PCDH15: variants seen among roughly 807,000 people sequenced by gnomAD.
PCDH15 encodes protocadherin-15.
A neutral mutation model predicts 178.5 loss-of-function variants in PCDH15; 129 were observed. That is an observed-to-expected ratio of 0.72 (90% CI 0.63 to 0.84). The LOEUF is 0.84. Among genes scored for constraint, PCDH15 ranks in the 40% least tolerant of loss-of-function variants. The pLI, the probability that PCDH15 is intolerant of heterozygous loss-of-function variation, is 0.00. For missense variants in PCDH15, 2,230 were observed against 2,099.9 expected (o/e 1.06, Z -1.21); for synonymous variants, 800 against 732.0 (o/e 1.09, Z -1.50).
chr10:55,249,024 TA>T (rs1282179530), intron 1 of PCDH15, among the ~76,000 whole-genome samples: 2 of 152,214 alleles, frequency 1.3e-5, no homozygotes, highest in Non-Finnish European at 2.9e-5. Flanking sequence ...GGGCATGTCA[TA>T]CCTTGTGATA....
intron 2 of PCDH15, among the ~76,000 whole-genome samples, chr10:55,500,427 C>T (rs1840630820): frequency 6.6e-6 from 1 of 151,730 alleles, no homozygotes; most frequent in Admixed American, 6.6e-5. Flanking sequence ...TGTCAGAATA[C>T]AAGAAAGTTT....
At chr10:54,425,033 A>T (rs2135909319) in intron 3 of PCDH15, among the ~76,000 whole-genome samples, 1 of 151,824 alleles carries the variant, frequency 6.6e-6, no homozygotes, top group East Asian at 1.9e-4. Flanking sequence ...AAGAAAAGAA[A>T]ATGTGCTTTT....
At position 54,486,912 on chromosome 10, in the gene PCDH15, C is replaced by T. The variant is rs1409908226; in HGVS notation, c.157+40900G>A. ...TAGACCATGAGATTAAGGATTAGACCGTGGCCATGGAATAATGTTGATCTG... is the reference window on the plus strand; with the variant it reads ...TAGACCATGAGATTAAGGATTAGACTGTGGCCATGGAATAATGTTGATCTG... On this transcript the variant is annotated intron_variant, in intron 3 of 37. Coordinates refer to ENST00000644397, the MANE Select transcript of PCDH15 (RefSeq NM_001384140.1). Among the ~76,000 whole-genome samples the T allele has an allele frequency of 3.3e-5, 5 of 151,832 alleles. No individual in the cohort carries two copies. In the East Asian group the frequency reaches 5.8e-4, roughly 18 times the overall value.
chr10:54,690,228 G>GC (rs1485003627), intron 1 of PCDH15, among the ~76,000 whole-genome samples: 1 of 151,622 alleles, frequency 6.6e-6, no homozygotes, highest in Non-Finnish European at 1.5e-5. Flanking sequence ...TAAAAATACA[G>GC]CATATGCAAT....
chr10:54,705,395 T>C (rs1161307270), intron 1 of PCDH15, among the ~76,000 whole-genome samples: 1 of 152,156 alleles, frequency 6.6e-6, no homozygotes, highest in Non-Finnish European at 1.5e-5. Flanking sequence ...ATATAATTAA[T>C]ATAATTGAAA....
At chr10:54,592,384 A>G (rs1306934653) in intron 2 of PCDH15, among the ~76,000 whole-genome samples, 1 of 131,954 alleles carries the variant, frequency 7.6e-6, no homozygotes, top group Non-Finnish European at 1.6e-5. Flanking sequence ...TTTCAGCTTT[A>G]TTGAGGTATA....
chr10:55,272,473 C>A (rs770447677), intron 1 of PCDH15, among the ~76,000 whole-genome samples: 3 of 151,582 alleles, frequency 2.0e-5, no homozygotes, highest in Non-Finnish European at 4.4e-5. Flanking sequence ...GACGCGATCT[C>A]GGCTCACTGC....
chr10:54,512,359 T>TTGTGTGTGTGTGTGTG lies in PCDH15; in HGVS notation c.157+15437_157+15452dup, dbSNP rs200575121. Among the ~76,000 whole-genome samples the TTGTGTGTGTGTGTGTG allele has an allele frequency of 1.4e-3, 189 of 134,156 alleles. 3 individuals carry two copies. The highest frequency in any genetic ancestry group is 4.9e-3 in the Admixed American group (61 of 12,570). 88.0% of individuals were successfully genotyped at this position (134,156 alleles called of 152,430 possible). A position where few individuals can be genotyped will look rare whatever the true frequency, so the allele number is the denominator to read the frequency against. Reference sequence around the variant, plus strand: ...GAACATGGTATAGACATTTCTGGCATTGTGTGTGTGTGTGTGTGTGTGTGT... The same window carrying TTGTGTGTGTGTGTGTG: ...GAACATGGTATAGACATTTCTGGCATTGTGTGTGTGTGTGTGTGTGTGTGTGTGTGTGTGTGTGTGT... On this transcript the variant is annotated intron_variant, in intron 3 of 37. Coordinates refer to ENST00000644397, the MANE Select transcript of PCDH15 (RefSeq NM_001384140.1).
chr10:54,145,359 AG>A (rs1320419673), intron 14 of PCDH15, among the ~76,000 whole-genome samples: 1 of 152,058 alleles, frequency 6.6e-6, no homozygotes, highest in Non-Finnish European at 1.5e-5. Context: ...TCTAAGATGA[AG>A]GTTACAGATA....
chr10:54,788,931 T>A (rs1341794345), intron 1 of PCDH15, among the ~76,000 whole-genome samples: 2 of 151,984 alleles, frequency 1.3e-5, no homozygotes, highest in Admixed American at 6.6e-5. Context: ...CTTTATAGAA[T>A]CAAGGTCCTC....
At chr10:54,107,522 G>A (rs2094937684) in intron 15 of PCDH15, among the ~76,000 whole-genome samples, 1 of 152,136 alleles carries the variant, frequency 6.6e-6, no homozygotes, top group Non-Finnish European at 1.5e-5. Flanking sequence ...AATGAGAAAG[G>A]CATCTGAGAG....
intron 5 of PCDH15, among the ~76,000 whole-genome samples, chr10:54,355,260 G>C (rs1334909365): frequency 1.3e-5 from 2 of 151,306 alleles, no homozygotes; most frequent in Non-Finnish European, 1.5e-5. Flanking sequence ...CAAAATTATA[G>C]GCTTAGAAAG....
intron 1 of PCDH15, among the ~76,000 whole-genome samples, chr10:55,313,220 C>A (rs938692400): frequency 6.6e-6 from 1 of 151,626 alleles, no homozygotes; most frequent in East Asian, 2.0e-4. Context: ...TGAAAAAAAA[C>A]AAAACTGTTT....
intron 2 of PCDH15, among the ~76,000 whole-genome samples, chr10:54,906,284 T>C (rs1342474100): frequency 1.3e-5 from 2 of 152,166 alleles, no homozygotes; most frequent in Non-Finnish European, 2.9e-5. Context: ...CTCTGAATAT[T>C]CTCTTTCAAA....
At chr10:55,259,925 A>C (rs1842106075) in intron 1 of PCDH15, among the ~76,000 whole-genome samples, 1 of 147,720 alleles carries the variant, frequency 6.8e-6, no homozygotes, top group Admixed American at 6.7e-5. Flanking sequence ...AAAAAAAAAA[A>C]AAAAAAAAAA....
chr10:55,115,646 G>A (rs1174835488), intron 2 of PCDH15, among the ~76,000 whole-genome samples: 1 of 152,094 alleles, frequency 6.6e-6, no homozygotes. Flanking sequence ...TCTGTATAAA[G>A]CCTTCCTGAC....
chr10:55,239,280 G>C (rs1021734787), intron 1 of PCDH15, among the ~76,000 whole-genome samples: 2 of 152,046 alleles, frequency 1.3e-5, no homozygotes, highest in African/African-American at 4.8e-5. Flanking sequence ...TGGACCCATA[G>C]ACTGATTTCA....
chr10:54,511,717 A>C (rs940321530), intron 3 of PCDH15, among the ~76,000 whole-genome samples: 2 of 152,214 alleles, frequency 1.3e-5, no homozygotes, highest in Non-Finnish European at 2.9e-5. Flanking sequence ...ACTTTCTAAA[A>C]TATGACTGAA....
chr10:55,624,554 C>T (rs1420451601), intron 2 of PCDH15, among the ~76,000 whole-genome samples: 4 of 152,004 alleles, frequency 2.6e-5, no homozygotes, highest in Non-Finnish European at 4.4e-5. Flanking sequence ...TGTGATGCTG[C>T]ACTGTTATTG....
Sources: gnomAD v4.1 joint callset for allele counts (sites outside exome capture counted in the v4.1 genomes callset) on GRCh38, gnomAD v4.1.1 for gene constraint, MANE v1.5 for transcripts, NCBI Gene and HGNC (gene_info 2026-07-23, HGNC 2026-07-21) for gene names.